Variants in ADD1 observed in about 807,000 individuals in gnomAD.
ADD1 encodes alpha-adducin.
A neutral mutation model predicts 80.5 loss-of-function variants in ADD1; 24 were observed. The observed-to-expected ratio is 0.30, with a 90% CI of 0.22 to 0.42. ADD1 has a LOEUF of 0.42. ADD1 is among the 10% of genes least tolerant of loss of function. The probability of loss-of-function intolerance (pLI) is 1.00; values close to 1 mark genes in which losing one functional copy is unlikely to be tolerated. For synonymous variants in ADD1, 373 were observed against 393.8 expected, an observed-to-expected ratio of 0.95 and a Z score of 0.63; for missense variants, 948 against 1,019.0, an observed-to-expected ratio of 0.93 and a Z score of 0.95.
chr4:2,913,586 T>A (rs1405865847), intron 13 of ADD1, among the ~76,000 whole-genome samples: 1 of 152,242 alleles, frequency 6.6e-6, no homozygotes, highest in African/African-American at 2.4e-5. Context: ...CAGCAGCCCA[T>A]CTGTCCCTCT....
In ADD1 at chr4:2,863,938, G is replaced by T. The variant is rs1729172542; in HGVS notation, c.-20-11958G>T. On this transcript the variant is annotated intron_variant, in intron 1 of 15. Coordinates refer to ENST00000683351, the MANE Select transcript of ADD1 (RefSeq NM_001354761.2). ...GATAAGAAAGAAAAGATTCTATTCTGATATGAACAGAATCATTTTGGAGTG... is the reference window on the plus strand; with the variant it reads ...GATAAGAAAGAAAAGATTCTATTCTTATATGAACAGAATCATTTTGGAGTG... Among the ~76,000 whole-genome samples the T allele has an allele frequency of 2.6e-5, 4 of 152,148 alleles. 1 individual carries two copies. In the South Asian group the frequency reaches 8.3e-4, roughly 32 times the overall value.
At chr4:2,856,595 T>G (rs1049465141) in intron 1 of ADD1, among the ~76,000 whole-genome samples, 1 of 148,784 alleles carries the variant, frequency 6.7e-6, no homozygotes, top group African/African-American at 2.5e-5. Flanking sequence ...TTTTTTTTTT[T>G]TTTTTTTTTT....
In ADD1 at chr4:2,908,501, C is replaced by T; in HGVS notation, c.1609-14C>T. The T allele has an allele frequency of 6.2e-7, 1 of 1,612,594 alleles. No homozygotes were observed. The highest frequency in any genetic ancestry group is 1.7e-5 in the Admixed American group (1 of 60,032). ...TCAGGACTGTTGATGTGTGCCTCTC[C>T]TTCCCACCCTCAGATCCGAGAGCAG... On this transcript the variant is annotated splice_polypyrimidine_tract_variant and intron_variant, in intron 11 of 15. Coordinates refer to ENST00000683351, the MANE Select transcript of ADD1 (RefSeq NM_001354761.2).
intron 1 of ADD1, among the ~76,000 whole-genome samples, chr4:2,861,232 A>T (rs1277438490): frequency 6.6e-6 from 1 of 152,086 alleles, no homozygotes; most frequent in Non-Finnish European, 1.5e-5. Flanking sequence ...TGGGGGCCAA[A>T]ATGGGAAGGC....
At chr4:2,901,343 G>C (rs1238542226) in intron 9 of ADD1, 1 of 152,228 alleles carries the variant, frequency 6.6e-6, no homozygotes. Flanking sequence ...ACCAAAGACT[G>C]TGCTGAAAGC....
intron 5 of ADD1, 27 bp from the exon 6 acceptor site, chr4:2,894,555 T>A: frequency 1.3e-6 from 2 of 1,571,112 alleles, no homozygotes; most frequent in Non-Finnish European, 1.7e-6. Flanking sequence ...CTCTTGGTAT[T>A]TTACATTTTT....
chr4:2,881,833 T>G, intron 2 of ADD1, 65 bp from the exon 3 acceptor site: 1 of 1,466,546 alleles, frequency 6.8e-7, no homozygotes, highest in Non-Finnish European at 9.1e-7. Flanking sequence ...TGATAGCTAC[T>G]TCTGACCCCC....
chr4:2,884,062 G>T (rs922099266), intron 3 of ADD1, among the ~76,000 whole-genome samples: 1 of 152,188 alleles, frequency 6.6e-6, no homozygotes, highest in African/African-American at 2.4e-5. Flanking sequence ...AAACTTCTCA[G>T]AGATTCAACT....
intron 14 of ADD1, among the ~76,000 whole-genome samples, chr4:2,919,766 T>C (rs1437236579): frequency 3.3e-5 from 5 of 152,160 alleles, no homozygotes; most frequent in Admixed American, 1.3e-4. Flanking sequence ...CTATCTATTT[T>C]ATCAATCTTT....
chr4:2,870,663 A>G (rs1356846500), intron 1 of ADD1, among the ~76,000 whole-genome samples: 1 of 152,240 alleles, frequency 6.6e-6, no homozygotes, highest in Non-Finnish European at 1.5e-5. Flanking sequence ...GTCTAGCAAA[A>G]TTAGAGGAAA....
chr4:2,921,124 G>C (rs151098624), intron 14 of ADD1, among the ~76,000 whole-genome samples: 1,759 of 152,082 alleles, frequency 0.012, 45 homozygotes, highest in African/African-American at 0.039. Flanking sequence ...TGAAATTCTG[G>C]GCTGAAAATT....
intron 14 of ADD1, among the ~76,000 whole-genome samples, chr4:2,924,725 G>T: frequency 6.6e-6 from 1 of 152,160 alleles, no homozygotes; most frequent in Non-Finnish European, 1.5e-5. Flanking sequence ...TATTCAGGCC[G>T]CCACACACAC....
chr4:2,917,603 C>T (rs1046704722), intron 14 of ADD1, among the ~76,000 whole-genome samples: 1 of 152,116 alleles, frequency 6.6e-6, no homozygotes, highest in Admixed American at 6.5e-5. Context: ...GAAGTCTTTG[C>T]CCATGCCTAT....
rs1220842759 is a variant in ADD1, at chr4:2,884,562, A to G, written c.406A>G (p.Ile136Val). ...GAACGATCTTAGAGGATCTGATTCT[A>G]TTGCGTATGACAAAGGAGAGAAGTT... ...PVNDLRGSDS[I>V]AYDKGEKLLR... The change falls in exon 4 of 16, where the codon ATT becomes GTT. Residue 136 changes from isoleucine to valine, a missense_variant. Transcript: ENST00000683351. 9 of 1,613,042 alleles carry G rather than the reference A, an allele frequency of 5.6e-6. No individual in the cohort carries two copies. Among genetic ancestry groups the G allele is most frequent in the Non-Finnish European group, 5.9e-6 (7 of 1,179,368 alleles).
At chr4:2,905,154 TTGGGTAGC>T in intron 10 of ADD1, 46 bp downstream of exon 10, 1 of 1,590,608 alleles carries the variant, frequency 6.3e-7, no homozygotes, top group African/African-American at 1.3e-5. Context: ...GTAGAGCAAG[TTGGGTAGC>T]TGGGGCTTCG....
chr4:2,885,101 C>G (rs949272577), intron 4 of ADD1, among the ~76,000 whole-genome samples: 3 of 152,114 alleles, frequency 2.0e-5, no homozygotes, highest in African/African-American at 7.2e-5. Context: ...TTCTCTGGAC[C>G]AAGCGCTGTT....
intron 6 of ADD1, 78 bp downstream of exon 6, chr4:2,894,809 CTTG>C: frequency 1.4e-6 from 2 of 1,446,232 alleles, no homozygotes; most frequent in Non-Finnish European, 9.2e-7. Flanking sequence ...CTGAATTGCC[CTTG>C]TTGTTTATAG....
chr4:2,916,162 A>ATATTATTAT (rs71662749), intron 14 of ADD1, among the ~76,000 whole-genome samples: 10 of 141,060 alleles, frequency 7.1e-5, no homozygotes, highest in East Asian at 4.2e-4. Context: ...GCCAGCATGC[A>ATATTATTAT]TATTATTATT....
intron 1 of ADD1, among the ~76,000 whole-genome samples, chr4:2,863,276 T>C (rs1006954192): frequency 6.7e-6 from 1 of 149,242 alleles, no homozygotes; most frequent in Admixed American, 6.7e-5. Context: ...CCCAGGCTAG[T>C]CTCAAACTCT....
Sources: gnomAD v4.1 joint callset for allele counts (sites outside exome capture counted in the v4.1 genomes callset) on GRCh38, gnomAD v4.1.1 for gene constraint, MANE v1.5 for transcripts, NCBI Gene and HGNC (gene_info 2026-07-23, HGNC 2026-07-21) for gene names.